Variants in LRRC75A observed in about 807,000 individuals in gnomAD.
The protein encoded by LRRC75A is leucine rich repeat containing 75A.
In LRRC75A, 12 loss-of-function variants were observed where a neutral mutation model predicts 26.0. That is an observed-to-expected ratio of 0.46 (90% CI 0.30 to 0.75). The LOEUF is 0.75. LRRC75A is among the 30% of genes least tolerant of loss of function. LRRC75A has a pLI of 0.08. For missense variants in LRRC75A, 410 were observed against 486.6 expected (o/e 0.84, Z 1.48); for synonymous variants, 223 against 219.3 (o/e 1.02, Z -0.15).
At chr17:16,452,399 C>T (rs1433427517) in intron 2 of LRRC75A, among the ~76,000 whole-genome samples, 1 of 151,414 alleles carries the variant, frequency 6.6e-6, no homozygotes, top group Non-Finnish European at 1.5e-5. Flanking sequence ...GCCTGGGCCA[C>T]CCCAATGATG....
At chr17:16,445,454 C>A (rs1423981774) in intron 3 of LRRC75A, among the ~76,000 whole-genome samples, 1 of 152,114 alleles carries the variant, frequency 6.6e-6, no homozygotes. Context: ...TGTGAGCCAC[C>A]GTGCCCGGCC....
At chr17:16,476,940 G>T (rs367957425) in intron 1 of LRRC75A, among the ~76,000 whole-genome samples, 1 of 151,402 alleles carries the variant, frequency 6.6e-6, no homozygotes, top group Non-Finnish European at 1.5e-5. Context: ...GGGTTTCACC[G>T]TGTTAGCCAG....
At chr17:16,452,531 A>G (rs1433728002) in intron 2 of LRRC75A, among the ~76,000 whole-genome samples, 1 of 151,480 alleles carries the variant, frequency 6.6e-6, no homozygotes, top group East Asian at 1.9e-4. Flanking sequence ...TCCATCTCCC[A>G]GGTTCAAACG....
chr17:16,455,351 G>A (rs956950183), intron 2 of LRRC75A, among the ~76,000 whole-genome samples: 1 of 150,836 alleles, frequency 6.6e-6, no homozygotes, highest in Non-Finnish European at 1.5e-5. Context: ...CCCTTATAAT[G>A]AGTGAGGGAA....
intron 2 of LRRC75A, among the ~76,000 whole-genome samples, chr17:16,459,045 G>A (rs2093707402): frequency 1.3e-5 from 2 of 152,240 alleles, no homozygotes; most frequent in South Asian, 4.2e-4. Flanking sequence ...TGCTGTCTTT[G>A]GATGTCTCAA....
At chr17:16,460,031 GGGTGATGGTATTTAGA>G (rs2093715689) in intron 2 of LRRC75A, among the ~76,000 whole-genome samples, 1 of 152,202 alleles carries the variant, frequency 6.6e-6, no homozygotes, top group African/African-American at 2.4e-5. Context: ...CTAATCCCCA[GGGTGATGGTATTTAGA>G]GGTGGGGCCT....
chr17:16,451,453 T>G lies in LRRC75A; in HGVS notation c.376-3493A>C, dbSNP rs181037160. Among the ~76,000 whole-genome samples, 1,318 of 152,044 alleles carry G rather than the reference T, an allele frequency of 8.7e-3. 8 individuals carry two copies. The highest frequency in any genetic ancestry group is 0.013 in the Non-Finnish European group (913 of 67,984). ...CTGGCCAACATGGCAAAACCCTGTC[T>G]CTACTAAGAATACAAAAATTAGCTG... On this transcript the variant is annotated intron_variant, in intron 2 of 3. Transcript: ENST00000470794.
intron 1 of LRRC75A, among the ~76,000 whole-genome samples, chr17:16,474,979 G>T (rs953960236): frequency 6.7e-6 from 1 of 149,140 alleles, no homozygotes; most frequent in Non-Finnish European, 1.5e-5. Flanking sequence ...CTGGGCAACG[G>T]TGCAAGACTC....
intron 2 of LRRC75A, among the ~76,000 whole-genome samples, chr17:16,455,158 C>T (rs2093666778): frequency 6.6e-6 from 1 of 152,082 alleles, no homozygotes; most frequent in Non-Finnish European, 1.5e-5. Flanking sequence ...GTCTTGAACT[C>T]CTGACCTCAG....
chr17:16,448,941 A>G (rs1004050653), intron 2 of LRRC75A, among the ~76,000 whole-genome samples: 2 of 152,200 alleles, frequency 1.3e-5, no homozygotes, highest in African/African-American at 4.8e-5. Flanking sequence ...GTGCAGCTGA[A>G]AGATGCTACA....
chr17:16,444,079 C>T lies in LRRC75A; in HGVS notation c.544G>A (p.Gly182Arg). 6.2e-7 allele frequency: 1 copy of T among 1,612,326 alleles called. No individual in the cohort carries two copies. Among genetic ancestry groups the T allele is most frequent in the Non-Finnish European group, 8.5e-7 (1 of 1,179,174 alleles). Residue 182 changes from glycine to arginine, a missense_variant, in exon 4 of 4, where the codon GGA becomes AGA. Transcript: ENST00000470794. Reference sequence around the variant, plus strand: ...AGGTCTCGGGAGGTCAGTGGGATTCCCGACAGGTCCACTGTGTTGTCTGGG... The same window carrying T: ...AGGTCTCGGGAGGTCAGTGGGATTCTCGACAGGTCCACTGTGTTGTCTGGG... ...SPPDNTVDLS[G>R]IPLTSRDLER...
intron 1 of LRRC75A, among the ~76,000 whole-genome samples, chr17:16,488,917 C>T (rs1431160390): frequency 4.6e-5 from 7 of 152,146 alleles, no homozygotes; most frequent in African/African-American, 1.4e-4. Flanking sequence ...AACTGCCACA[C>T]ATGCACCCGG....
intron 2 of LRRC75A, 77 bp from the exon 3 acceptor site, chr17:16,448,037 C>T (rs762997128): frequency 3.1e-5 from 41 of 1,316,768 alleles, no homozygotes; most frequent in Admixed American, 2.8e-4. Context: ...TCCTGTCTCC[C>T]GGGTAAGAGC....
chr17:16,453,326 A>G (rs1232326925), intron 2 of LRRC75A, among the ~76,000 whole-genome samples: 1 of 137,586 alleles, frequency 7.3e-6, no homozygotes, highest in East Asian at 2.1e-4. Context: ...ACACGCACAC[A>G]CGCACACGCA....
intron 1 of LRRC75A, among the ~76,000 whole-genome samples, chr17:16,479,556 C>T (rs1232477042): frequency 1.3e-5 from 2 of 152,196 alleles, no homozygotes; most frequent in Non-Finnish European, 2.9e-5. Context: ...CATAAAGGCA[C>T]TCTATGGGCT....
At chr17:16,461,306 TC>T (rs1402762644) in intron 2 of LRRC75A, 1 of 152,202 alleles carries the variant, frequency 6.6e-6, no homozygotes, top group Non-Finnish European at 1.5e-5. Flanking sequence ...AAAACTTCCC[TC>T]CCACACCCCT....
chr17:16,488,982 G>A (rs777869487), intron 1 of LRRC75A, among the ~76,000 whole-genome samples: 47 of 152,276 alleles, frequency 3.1e-4, no homozygotes, highest in Middle Eastern at 6.8e-3. Context: ...CAGGGAGAAG[G>A]GTGGTATTGG....
chr17:16,486,448 A>C (rs113977770), intron 1 of LRRC75A, among the ~76,000 whole-genome samples: 20 of 152,302 alleles, frequency 1.3e-4, no homozygotes, highest in African/African-American at 4.6e-4. Flanking sequence ...GAAACCAATG[A>C]AGCAGGCTCT....
At chr17:16,475,566 G>A (rs2093817682) in intron 1 of LRRC75A, among the ~76,000 whole-genome samples, 1 of 152,110 alleles carries the variant, frequency 6.6e-6, no homozygotes, top group African/African-American at 2.4e-5. Context: ...ATCCATTTAT[G>A]CTTTTGAGAC....
Sources: gnomAD v4.1 joint callset for allele counts (sites outside exome capture counted in the v4.1 genomes callset) on GRCh38, gnomAD v4.1.1 for gene constraint, MANE v1.5 for transcripts, NCBI Gene and HGNC (gene_info 2026-07-23, HGNC 2026-07-21) for gene names.